Variants in MDM4 observed in about 807,000 individuals in gnomAD.
The protein encoded by MDM4 is MDM4 regulator of p53.
Under a neutral mutation model 60.2 loss-of-function variants are expected in MDM4, and 2 were observed. That is an observed-to-expected ratio of 0.03 (90% CI 0.01 to 0.10). The LOEUF (loss-of-function observed/expected upper bound fraction) is 0.10, where lower values mean the gene tolerates loss of function less well. Ranked by LOEUF, MDM4 falls within the 10% of genes least tolerant of loss-of-function variation. The pLI is 1.00. For synonymous variants in MDM4, 202 were observed against 198.1 expected (o/e 1.02, Z -0.17); for missense variants, 447 against 577.5 (o/e 0.77, Z 2.32).
Position 204,554,176 on chromosome 1 carries a change from C to T in MDM4, c.*4494C>T, listed in dbSNP as rs1477274416. On this transcript the variant is annotated 3_prime_UTR_variant, in exon 11 of 11. Transcript: ENST00000367182. ...ATATATTGGTGAATATTCTTCTGAT[C>T]TATAATACAAAGCTATGTAATGTTA... The T allele has an allele frequency of 4.4e-6, 1 of 227,108 alleles. No homozygotes were observed. The highest frequency in any genetic ancestry group is 8.7e-6 in the Non-Finnish European group (1 of 114,398). 14.1% of individuals were successfully genotyped at this position (227,108 alleles called of 1,614,324 possible).
In MDM4 at chr1:204,555,158, C is replaced by CTTT. The variant is rs1229133778; in HGVS notation, c.*5489_*5491dup. 2.8e-3 allele frequency: 463 copies of CTTT among 168,284 alleles called. 1 individual carries two copies. The highest frequency in any genetic ancestry group is 0.011 in the African/African-American group (417 of 39,640). The allele number at this position is 168,284 out of a possible 1,614,324, so 10.4% of individuals were successfully genotyped here. Reference sequence around the variant, plus strand: ...GGACAGTTAGTAGAACTCTCCATTTCTTTTTTTTTTTTTTTAGACGGAGTC... The same window carrying CTTT: ...GGACAGTTAGTAGAACTCTCCATTTCTTTTTTTTTTTTTTTTTTAGACGGAGTC... On this transcript the variant is annotated 3_prime_UTR_variant, in exon 11 of 11. Transcript: ENST00000367182.
chr1:204,554,414 A>T lies in MDM4; in HGVS notation c.*4732A>T, dbSNP rs932128994. 3 of 226,368 alleles carry T rather than the reference A, an allele frequency of 1.3e-5. No individual in the cohort carries two copies. The South Asian group carries it at 5.5e-4, about 41-fold the overall frequency. The allele number at this position is 226,368 out of a possible 1,614,324, so 14.0% of individuals were successfully genotyped here. A position where few individuals can be genotyped will look rare whatever the true frequency, so the allele number is the denominator to read the frequency against. Reference sequence around the variant, plus strand: ...GTCATGAGTGTGCATGTGTGCAAGCATGTTTTGATCCTGATGCTACCTTTG... The same window carrying T: ...GTCATGAGTGTGCATGTGTGCAAGCTTGTTTTGATCCTGATGCTACCTTTG... On this transcript the variant is annotated 3_prime_UTR_variant, in exon 11 of 11. Coordinates refer to ENST00000367182, the MANE Select transcript of MDM4 (RefSeq NM_002393.5).
intron 7 of MDM4, among the ~76,000 whole-genome samples, chr1:204,539,524 TTTTTG>T (rs1553324511): frequency 1.4e-5 from 2 of 147,790 alleles, no homozygotes; most frequent in Non-Finnish European, 3.0e-5. Context: ...TTGTTTTTTT[TTTTTG>T]TTTTGTTTTG....
At chr1:204,519,219 T>C (rs923772975) in intron 1 of MDM4, among the ~76,000 whole-genome samples, 17 of 152,214 alleles carry the variant, frequency 1.1e-4, no homozygotes, top group Admixed American at 1.0e-3. Flanking sequence ...GAGCAGGGCC[T>C]GACACTATAG....
At chr1:204,544,266 A>G (rs1397338354) in intron 8 of MDM4, among the ~76,000 whole-genome samples, 1 of 152,192 alleles carries the variant, frequency 6.6e-6, no homozygotes, top group Non-Finnish European at 1.5e-5. Context: ...TACCTTTTAA[A>G]CTCTTCAGTA....
chr1:204,532,207 C>A lies in MDM4; in HGVS notation c.304C>A (p.Leu102Ile). 6.2e-7 allele frequency: 1 copy of A among 1,600,770 alleles called. No homozygotes were observed. Among genetic ancestry groups the A allele is most frequent in the Non-Finnish European group, 8.6e-7 (1 of 1,168,494 alleles). Reference protein sequence around the residue: ...VKDPSPLYDMLRKNLVTLATA... With the variant: ...VKDPSPLYDMIRKNLVTLATA... ...CTTTAACAGCCCTCTCTATGATATG[C>A]TAAGAAAGAATCTTGTCACTTTAGC... is the stretch of plus-strand genomic sequence containing the variant. The change falls in exon 5 of 11, where the codon CTA becomes ATA. Residue 102 changes from leucine to isoleucine, a missense_variant. Transcript: ENST00000367182.
At position 204,538,124 on chromosome 1, in the gene MDM4, T is replaced by A. The variant is rs1661605053; in HGVS notation, c.412-85T>A. ...GTGTGTAACCCATTGTGTTGCACAC[T>A]AACTGGTGAGCCAGAATGGAACTGC... On this transcript the variant is annotated intron_variant, in intron 6 of 10. Coordinates refer to ENST00000367182, the MANE Select transcript of MDM4 (RefSeq NM_002393.5). 4 of 800,438 alleles carry A rather than the reference T, an allele frequency of 5.0e-6. No homozygotes were observed. The South Asian group carries it at 5.6e-5, about 11-fold the overall frequency. The allele number at this position is 800,438 out of a possible 1,614,324, so 49.6% of individuals were successfully genotyped here.
intron 3 of MDM4, among the ~76,000 whole-genome samples, chr1:204,529,845 C>T (rs1247654325): frequency 1.3e-5 from 2 of 152,294 alleles, no homozygotes; most frequent in East Asian, 3.9e-4. Context: ...AACCTTGACT[C>T]TATCTATTGC....
intron 10 of MDM4, among the ~76,000 whole-genome samples, chr1:204,548,656 G>A (rs1433857861): frequency 5.3e-5 from 8 of 152,064 alleles, no homozygotes; most frequent in Non-Finnish European, 8.8e-5. Context: ...AAATTTAGTC[G>A]TTTTCAAATC....
chr1:204,528,930 GC>G (rs1660547371), intron 3 of MDM4: 2 of 1,590,774 alleles, frequency 1.3e-6, no homozygotes, highest in Non-Finnish European at 8.6e-7. Flanking sequence ...CTCCCGGAAG[GC>G]CTCTGTCGGC....
chr1:204,554,759 T>C lies in MDM4; in HGVS notation c.*5077T>C, dbSNP rs1663429982. 3 of 226,792 alleles carry C rather than the reference T, an allele frequency of 1.3e-5. No homozygotes were observed. The allele number at this position is 226,792 out of a possible 1,614,324, so 14.0% of individuals were successfully genotyped here. A position where few individuals can be genotyped will look rare whatever the true frequency, so the allele number is the denominator to read the frequency against. ...GATTGCTTTGAGAAGTACTTTCTTT[T>C]GACAGAAATTTTCATTCTGCTTGCC... On this transcript the variant is annotated 3_prime_UTR_variant, in exon 11 of 11. Coordinates refer to ENST00000367182, the MANE Select transcript of MDM4 (RefSeq NM_002393.5).
intron 5 of MDM4, 188 bp downstream of exon 5, chr1:204,532,434 G>C: frequency 1.7e-6 from 1 of 575,294 alleles, no homozygotes. Context: ...ACATAGAGTA[G>C]AAGGATTTCC....
Position 204,551,461 on chromosome 1 carries a change from C to CTTTT in MDM4, c.*1805_*1808dup, listed in dbSNP as rs56047802. On this transcript the variant is annotated 3_prime_UTR_variant, in exon 11 of 11. Coordinates refer to ENST00000367182, the MANE Select transcript of MDM4 (RefSeq NM_002393.5). ...ATACTGGATGGTTGAGAGGCAGCCT[C>CTTTT]TTTTTTTTTTTTTTTTTTTTTTTTT... 1.6e-3 allele frequency: 148 copies of CTTTT among 91,488 alleles called. 17 individuals are homozygous for CTTTT. Among genetic ancestry groups the CTTTT allele is most frequent in the African/African-American group, 9.8e-3 (135 of 13,798 alleles). The allele number at this position is 91,488 out of a possible 1,614,324, so 5.7% of individuals were successfully genotyped here.
intron 4 of MDM4, among the ~76,000 whole-genome samples, chr1:204,531,391 G>A (rs1317059500): frequency 6.6e-6 from 1 of 152,168 alleles, no homozygotes; most frequent in Non-Finnish European, 1.5e-5. Context: ...AATCACAGTA[G>A]GGCTAACCTG....
At chr1:204,528,527 A>G (rs891384156) in intron 3 of MDM4, among the ~76,000 whole-genome samples, 5 of 152,154 alleles carry the variant, frequency 3.3e-5, no homozygotes, top group Non-Finnish European at 5.9e-5. Context: ...CTGACTGGAC[A>G]CTAACTCCAT....
intron 3 of MDM4, chr1:204,529,370 C>A: frequency 1.1e-6 from 1 of 932,076 alleles, no homozygotes; most frequent in South Asian, 1.3e-5. Context: ...GGGAGCCACC[C>A]TGTCCATGAG....
chr1:204,543,248 C>A (rs1348093913), intron 8 of MDM4, among the ~76,000 whole-genome samples: 1 of 152,130 alleles, frequency 6.6e-6, no homozygotes, highest in East Asian at 1.9e-4. Flanking sequence ...CTCTGGGAGT[C>A]CCAGCCTATA....
intron 1 of MDM4, among the ~76,000 whole-genome samples, chr1:204,520,582 T>G (rs1659475254): frequency 6.6e-6 from 1 of 152,066 alleles, no homozygotes; most frequent in Non-Finnish European, 1.5e-5. Context: ...TGTGGAAGAT[T>G]ATTGCGTTAA....
In MDM4 at chr1:204,552,276, AAAAG is replaced by A. The variant is rs1402188556; in HGVS notation, c.*2598_*2601del. ...CAACAATAGCGAAACTGTCTCAGAA[AAAAG>A]AAAAAAAAAATCGCAAAAAGAAAAA... is the stretch of plus-strand genomic sequence containing the variant. On this transcript the variant is annotated 3_prime_UTR_variant, in exon 11 of 11. Coordinates refer to ENST00000367182, the MANE Select transcript of MDM4 (RefSeq NM_002393.5). The A allele has an allele frequency of 6.6e-6, 1 of 151,484 alleles. No homozygotes were observed. Among genetic ancestry groups the A allele is most frequent in the Non-Finnish European group, 1.5e-5 (1 of 67,848 alleles). The allele number at this position is 151,484 out of a possible 1,614,324, so 9.4% of individuals were successfully genotyped here. A position where few individuals can be genotyped will look rare whatever the true frequency, so the allele number is the denominator to read the frequency against.
Sources: allele counts gnomAD v4.1 joint callset (sites outside exome capture counted in the v4.1 genomes callset), GRCh38; gene constraint gnomAD v4.1.1; transcripts MANE v1.5; gene names NCBI Gene and HGNC (gene_info 2026-07-23, HGNC 2026-07-21).